The following AKT3 variants were observed in gnomAD, a reference collection of about 807,000 sequenced individuals.
AKT3 encodes the protein RAC-gamma serine/threonine-protein kinase.
AKT3 carries 15 observed loss-of-function variants against 65.3 expected under a neutral mutation model. The ratio of observed to expected loss-of-function variants is 0.23; its 90% CI spans 0.15 to 0.35. AKT3 has a LOEUF of 0.35. Among genes scored for constraint, AKT3 ranks in the 10% least tolerant of loss-of-function variants. AKT3 has a pLI of 1.00. For missense variants in AKT3, 243 were observed against 576.5 expected, an observed-to-expected ratio of 0.42 and a Z score of 5.92; for synonymous variants, 206 against 183.8, an observed-to-expected ratio of 1.12 and a Z score of -0.98.
At chr1:243,570,951 G>T (rs1330863249) in intron 9 of AKT3, among the ~76,000 whole-genome samples, 6 of 152,132 alleles carry the variant, frequency 3.9e-5, no homozygotes, top group African/African-American at 1.4e-4. Context: ...ACTTTATATT[G>T]CAGTTTGACA....
In AKT3 at chr1:243,545,534, G is replaced by C. The variant is rs986720230; in HGVS notation, c.1227C>G (p.Asn409Lys). ...CCTTTTTATCATATACATCTTGCCA[G>C]TTTACTCCAGAGAAGAAACTGTGTC... ...IMRHSFFSGV[N>K]WQDVYDKKLV... Residue 409 changes from asparagine (N) to lysine (K), a missense_variant, in exon 12 of 14, where the codon AAC (asparagine) becomes AAG (lysine). Asn to Lys is a moderately conservative substitution (Grantham distance 94). Coordinates refer to ENST00000673466, the MANE Select transcript of AKT3 (RefSeq NM_005465.7). 1 of 1,612,026 alleles carries C rather than the reference G, an allele frequency of 6.2e-7. No homozygotes were observed. The highest frequency in any genetic ancestry group is 2.2e-5 in the East Asian group (1 of 44,764).
intron 13 of AKT3, among the ~76,000 whole-genome samples, chr1:243,509,595 G>A (rs6692682): frequency 1.5e-4 from 23 of 152,064 alleles, no homozygotes; most frequent in African/African-American, 2.9e-4. Context: ...TCTGAGCATC[G>A]CATTAGTCAG....
chr1:243,632,148 C>A (rs1156358790), intron 6 of AKT3, among the ~76,000 whole-genome samples: 7 of 152,144 alleles, frequency 4.6e-5, no homozygotes, highest in Non-Finnish European at 1.0e-4. Context: ...AATTAAGTTT[C>A]CTTGGATCTA....
At chr1:243,838,188 T>C (rs944190624) in intron 2 of AKT3, among the ~76,000 whole-genome samples, 26 of 152,292 alleles carry the variant, frequency 1.7e-4, no homozygotes, top group Admixed American at 1.7e-3. Context: ...TCAAAAATAA[T>C]ACATTGAAAC....
intron 3 of AKT3, among the ~76,000 whole-genome samples, chr1:243,693,824 C>A (rs892036057): frequency 6.6e-6 from 1 of 152,088 alleles, no homozygotes; most frequent in African/African-American, 2.4e-5. Context: ...AGAGTAAGAT[C>A]CATGTTACTA....
At chr1:243,622,563 G>C (rs1184956885) in intron 6 of AKT3, among the ~76,000 whole-genome samples, 1 of 152,138 alleles carries the variant, frequency 6.6e-6, no homozygotes, top group South Asian at 2.1e-4. Context: ...AAATAATTAG[G>C]TGTTCGACAT....
chr1:243,683,850 G>C (rs1015503358), intron 3 of AKT3, among the ~76,000 whole-genome samples: 1 of 152,106 alleles, frequency 6.6e-6, no homozygotes, highest in Admixed American at 6.6e-5. Flanking sequence ...AGGAAGCAAA[G>C]TACCTTTAAT....
At chr1:243,713,746 TAAAAAAAAAA>T (rs572960154) in intron 2 of AKT3, among the ~76,000 whole-genome samples, 29 of 82,970 alleles carry the variant, frequency 3.5e-4, no homozygotes, top group Admixed American at 1.8e-3. Flanking sequence ...TTTGCCTTAA[TAAAAAAAAAA>T]AAAAAAAAAA....
chr1:243,735,645 A>G (rs376399330), intron 2 of AKT3: 3 of 152,168 alleles, frequency 2.0e-5, no homozygotes, highest in African/African-American at 7.2e-5. Context: ...AGCTCTTACT[A>G]TCAGTCATCA....
chr1:243,618,034 T>C (rs541352440), intron 6 of AKT3, among the ~76,000 whole-genome samples: 1 of 152,314 alleles, frequency 6.6e-6, no homozygotes, highest in South Asian at 2.1e-4. Flanking sequence ...ATGAAATTTA[T>C]TTAGAAATAG....
chr1:243,661,151 C>A (rs1381643905), intron 4 of AKT3, among the ~76,000 whole-genome samples: 1 of 152,160 alleles, frequency 6.6e-6, no homozygotes, highest in Non-Finnish European at 1.5e-5. Context: ...TTTACAGATT[C>A]AATGCCATCC....
rs75648022 is a variant in AKT3, at chr1:243,638,307, A to G, written c.430-565T>C. 5.0e-3 allele frequency among the ~76,000 whole-genome samples: 754 copies of G among 152,318 alleles called. 6 individuals are homozygous for G. The highest frequency in any genetic ancestry group is 0.018 in the African/African-American group (728 of 41,572). ...TTATTCCTGAGAGAGTACTTTATGC[A>G]ATTCAGAACAGCAAGGAAGGGAGCT... On this transcript the variant is annotated intron_variant, in intron 5 of 13. Coordinates refer to ENST00000673466, the MANE Select transcript of AKT3 (RefSeq NM_005465.7).
At chr1:243,813,779 G>A (rs187263601) in intron 2 of AKT3, among the ~76,000 whole-genome samples, 7 of 152,288 alleles carry the variant, frequency 4.6e-5, no homozygotes, top group South Asian at 2.1e-4. Context: ...GATATCTACA[G>A]CTTCCATTCA....
At chr1:243,583,168 G>GTATA (rs1425079716) in intron 8 of AKT3, among the ~76,000 whole-genome samples, 8 of 113,256 alleles carry the variant, frequency 7.1e-5, no homozygotes, top group African/African-American at 2.4e-4. Context: ...GTATATGTGT[G>GTATA]TGTATATATA....
At chr1:243,516,652 C>T (rs368949078) in intron 12 of AKT3, among the ~76,000 whole-genome samples, 5 of 152,046 alleles carry the variant, frequency 3.3e-5, no homozygotes, top group Non-Finnish European at 7.4e-5. Context: ...CTCCTGGCCT[C>T]GAGCAATCCT....
intron 8 of AKT3, among the ~76,000 whole-genome samples, chr1:243,587,910 C>T (rs987388361): frequency 1.3e-5 from 2 of 152,036 alleles, no homozygotes; most frequent in African/African-American, 2.4e-5. Context: ...ATGGGCATAT[C>T]TAAAACAGAA....
chr1:243,615,033 CTAACA>C, intron 7 of AKT3, 58 bp downstream of exon 7: 1 of 1,203,482 alleles, frequency 8.3e-7, no homozygotes, highest in East Asian at 2.4e-5. Flanking sequence ...AATTTAATTT[CTAACA>C]TAAAATTCCT....
chr1:243,775,039 T>G (rs1690457223), intron 2 of AKT3, among the ~76,000 whole-genome samples: 1 of 152,056 alleles, frequency 6.6e-6, no homozygotes, highest in Non-Finnish European at 1.5e-5. Context: ...ATTTTTGTAT[T>G]TTTTGTAAAG....
chr1:243,670,075 T>C (rs570719075), intron 3 of AKT3, among the ~76,000 whole-genome samples: 4 of 152,354 alleles, frequency 2.6e-5, no homozygotes, highest in African/African-American at 9.6e-5. Flanking sequence ...AATTATAAAG[T>C]AGTATTTCAT....
Sources: allele counts gnomAD v4.1 joint callset (sites outside exome capture counted in the v4.1 genomes callset), GRCh38; gene constraint gnomAD v4.1.1; transcripts MANE v1.5; gene names NCBI Gene and HGNC (gene_info 2026-07-23, HGNC 2026-07-21).